The following GULP1 variants were observed in gnomAD, a reference collection of about 807,000 sequenced individuals.
The protein encoded by GULP1 is PTB domain-containing engulfment adapter protein 1.
GULP1 carries 19 observed loss-of-function variants against 40.9 expected under a neutral mutation model. The observed-to-expected ratio is 0.46, with a 90% CI of 0.32 to 0.68. The LOEUF (loss-of-function observed/expected upper bound fraction) is 0.68. GULP1 is among the 30% of genes least tolerant of loss of function. The pLI is 0.03. For synonymous variants in GULP1, 119 were observed against 117.6 expected (o/e 1.01, Z -0.08); for missense variants, 312 against 362.2 (o/e 0.86, Z 1.12).
intron 2 of GULP1, among the ~76,000 whole-genome samples, chr2:188,393,311 A>AT (rs1216441053): frequency 6.6e-6 from 1 of 151,836 alleles, no homozygotes; most frequent in East Asian, 1.9e-4. Flanking sequence ...TGCTAGACTG[A>AT]TTTTTTTATT....
intron 4 of GULP1, among the ~76,000 whole-genome samples, chr2:188,491,188 A>G (rs942720595): frequency 7.2e-5 from 11 of 152,084 alleles, no homozygotes; most frequent in African/African-American, 2.7e-4. Flanking sequence ...AAGCAATAGC[A>G]TTCTGAAGAC....
At chr2:188,463,183 A>G (rs552174176) in intron 2 of GULP1, among the ~76,000 whole-genome samples, 34 of 152,168 alleles carry the variant, frequency 2.2e-4, no homozygotes, top group Admixed American at 1.3e-3. Flanking sequence ...TCCCTTTAGC[A>G]TTTCTTGTGG....
At chr2:188,320,615 G>C (rs2039824460) in intron 1 of GULP1, among the ~76,000 whole-genome samples, 1 of 152,054 alleles carries the variant, frequency 6.6e-6, no homozygotes, top group Non-Finnish European at 1.5e-5. Context: ...CATATTTTCT[G>C]AGAAGCATGT....
At chr2:188,294,489 T>C (rs573012005) in intron 1 of GULP1, 1 of 152,256 alleles carries the variant, frequency 6.6e-6, no homozygotes, top group African/African-American at 2.4e-5. Context: ...TTCAGACTCT[T>C]CTTTGTGTAT....
intron 5 of GULP1, among the ~76,000 whole-genome samples, chr2:188,528,147 C>T (rs1686655307): frequency 6.6e-6 from 1 of 151,918 alleles, no homozygotes; most frequent in African/African-American, 2.4e-5. Flanking sequence ...AGTAAAATTG[C>T]CAATTAAAAT....
intron 4 of GULP1, among the ~76,000 whole-genome samples, chr2:188,500,287 C>T (rs1224055052): frequency 6.6e-6 from 1 of 151,854 alleles, no homozygotes; most frequent in East Asian, 1.9e-4. Flanking sequence ...AGGTTACTTT[C>T]TTTCTGTTGG....
At chr2:188,567,900 T>C (rs1200278918) in intron 7 of GULP1, among the ~76,000 whole-genome samples, 1 of 152,164 alleles carries the variant, frequency 6.6e-6, no homozygotes. Context: ...TCTTTAATAT[T>C]ACAAATAATC....
At chr2:188,295,354 G>A (rs549479674) in intron 1 of GULP1, among the ~76,000 whole-genome samples, 48 of 152,122 alleles carry the variant, frequency 3.2e-4, no homozygotes, top group Non-Finnish European at 6.6e-4. Context: ...ATGCATCATC[G>A]GGCCTGTATT....
At chr2:188,528,134 G>T (rs1331316394) in intron 5 of GULP1, among the ~76,000 whole-genome samples, 1 of 152,110 alleles carries the variant, frequency 6.6e-6, no homozygotes, top group Non-Finnish European at 1.5e-5. Flanking sequence ...AATGTAGGGA[G>T]AGAGTAAAAT....
chr2:188,434,317 G>A (rs1465240173), intron 2 of GULP1, among the ~76,000 whole-genome samples: 2 of 150,096 alleles, frequency 1.3e-5, no homozygotes, highest in Admixed American at 1.3e-4. Context: ...CATTCCCAAA[G>A]TTTCTTTTTC....
intron 10 of GULP1, among the ~76,000 whole-genome samples, chr2:188,586,190 C>CTA (rs1285083787): frequency 6.6e-6 from 1 of 152,036 alleles, no homozygotes; most frequent in Non-Finnish European, 1.5e-5. Flanking sequence ...TTTTCAGTGT[C>CTA]TAAATATTCC....
intron 7 of GULP1, among the ~76,000 whole-genome samples, chr2:188,543,310 G>T (rs1394222829): frequency 2.0e-5 from 3 of 152,072 alleles, no homozygotes; most frequent in Admixed American, 2.0e-4. Flanking sequence ...ATCAATTGGG[G>T]CTGGAGCTCA....
chr2:188,439,528 A>T (rs1296223319), intron 2 of GULP1, among the ~76,000 whole-genome samples: 6 of 152,124 alleles, frequency 3.9e-5, no homozygotes, highest in Non-Finnish European at 8.8e-5. Context: ...GGCCTTTAAA[A>T]ATGTGAGATG....
chr2:188,574,118 A>G (rs935305432), intron 9 of GULP1, among the ~76,000 whole-genome samples: 2 of 152,216 alleles, frequency 1.3e-5, no homozygotes, highest in African/African-American at 2.4e-5. Flanking sequence ...TTGCTAGTCA[A>G]ATAAAAGACA....
chr2:188,512,436 A>G lies in GULP1; in HGVS notation c.91-10320A>G, dbSNP rs562423676. On this transcript the variant is annotated intron_variant, in intron 4 of 11. Transcript: ENST00000409830. ...AATTGGCATATTTTGAATTTACTAT[A>G]CATAAAATGTGTATTCCAGACATTT... Among the ~76,000 whole-genome samples, 375 of 152,256 alleles carry G rather than the reference A, an allele frequency of 2.5e-3. 3 individuals are homozygous for G. Among genetic ancestry groups the G allele is most frequent in the African/African-American group, 8.6e-3 (356 of 41,566 alleles).
At chr2:188,585,767 G>A (rs374383229) in intron 10 of GULP1, among the ~76,000 whole-genome samples, 10 of 152,250 alleles carry the variant, frequency 6.6e-5, no homozygotes, top group African/African-American at 1.7e-4. Context: ...AGGGGCTGCC[G>A]CAGATGTCTG....
intron 5 of GULP1, among the ~76,000 whole-genome samples, chr2:188,527,027 T>G (rs1034287843): frequency 1.3e-5 from 2 of 152,154 alleles, no homozygotes; most frequent in Non-Finnish European, 2.9e-5. Context: ...TTTATTTTTC[T>G]TTATCTCATT....
chr2:188,359,204 T>A (rs2045764195), intron 1 of GULP1, among the ~76,000 whole-genome samples: 2 of 152,238 alleles, frequency 1.3e-5, no homozygotes, highest in East Asian at 1.9e-4. Context: ...CATTTCATTA[T>A]TTTTTAACAT....
intron 1 of GULP1, among the ~76,000 whole-genome samples, chr2:188,364,599 TG>T (rs1262451440): frequency 6.6e-6 from 1 of 151,990 alleles, no homozygotes; most frequent in Admixed American, 6.6e-5. Context: ...ATGTAACCTA[TG>T]GTTTGCGGTT....
Sources: allele counts gnomAD v4.1 joint callset (sites outside exome capture counted in the v4.1 genomes callset), GRCh38; gene constraint gnomAD v4.1.1; transcripts MANE v1.5; gene names NCBI Gene and HGNC (gene_info 2026-07-23, HGNC 2026-07-21).